The following LRRD1 variants were observed in gnomAD, a reference collection of about 807,000 sequenced individuals.
LRRD1 encodes the protein leucine rich repeats and death domain containing 1.
Under a neutral mutation model 69.5 loss-of-function variants are expected in LRRD1, and 49 were observed. That is an observed-to-expected ratio of 0.70 (90% CI 0.56 to 0.89). LRRD1 has a LOEUF of 0.89. Among genes scored for constraint, LRRD1 ranks in the 40% least tolerant of loss-of-function variants. The pLI is 0.00. For synonymous variants in LRRD1, 303 were observed against 338.9 expected (o/e 0.89, Z 1.16); for missense variants, 853 against 956.0 (o/e 0.89, Z 1.42).
At chr7:92,156,956 G>A (rs1463955237) in intron 3 of LRRD1, among the ~76,000 whole-genome samples, 1 of 151,384 alleles carries the variant, frequency 6.6e-6, no homozygotes, top group African/African-American at 2.4e-5. Flanking sequence ...TTTCTAGCTT[G>A]CTGAGAGTTT....
At chr7:92,153,347 G>A (rs1189478484) in intron 3 of LRRD1, among the ~76,000 whole-genome samples, 1 of 152,084 alleles carries the variant, frequency 6.6e-6, no homozygotes, top group African/African-American at 2.4e-5. Flanking sequence ...TTATAGGCGT[G>A]AGCCACCACG....
chr7:92,173,323 A>G (rs1265438742), intron 1 of LRRD1, among the ~76,000 whole-genome samples: 1 of 152,238 alleles, frequency 6.6e-6, no homozygotes, highest in Non-Finnish European at 1.5e-5. Context: ...AGTACAGGCA[A>G]CAAAAGCAAA....
At chr7:92,144,045 A>G (rs7807490), downstream of LRRD1, among the ~76,000 whole-genome samples, 86,203 of 152,058 alleles carry the variant, frequency 0.57, 25,706 homozygotes, top group African/African-American at 0.77. Context: ...TTCTGATAGC[A>G]GAAGAAGGGG....
At chr7:92,153,357 G>T (rs535497347) in intron 3 of LRRD1, among the ~76,000 whole-genome samples, 5 of 152,020 alleles carry the variant, frequency 3.3e-5, no homozygotes, top group African/African-American at 4.8e-5. Flanking sequence ...GAGCCACCAC[G>T]CCCGGCCTCT....
rs1323221467 is a variant in LRRD1, at chr7:92,163,334, T to C, written c.1869A>G (p.Gln623=). ...TATTCAGCTGTTCCAGTGATTGAAG[T>C]TGGCACAGTTCAATAGGAAAATGTA... ...QFIHFPIELC[Q]LQSLEQLNIS... Residue 623 remains glutamine, a synonymous_variant, in exon 2 of 6, where the codon CAA becomes CAG. Coordinates refer to ENST00000458448, the MANE Select transcript of LRRD1 (RefSeq NM_001161528.2). The C allele has an allele frequency of 2.0e-6, 3 of 1,526,970 alleles. No individual in the cohort carries two copies. The highest frequency in any genetic ancestry group is 1.7e-4 in the Middle Eastern group (1 of 5,852). The allele number at this position is 1,526,970 out of a possible 1,614,324, so 94.6% of individuals were successfully genotyped here.
At chr7:92,167,582 A>T (rs1788939523) in intron 1 of LRRD1, among the ~76,000 whole-genome samples, 1 of 151,864 alleles carries the variant, frequency 6.6e-6, no homozygotes, top group South Asian at 2.1e-4. Context: ...GGTAGTTAAG[A>T]AGTTATTCTG....
At chr7:92,158,704 G>A (rs78618136) in intron 3 of LRRD1, among the ~76,000 whole-genome samples, 2,618 of 152,232 alleles carry the variant, frequency 0.017, 64 homozygotes, top group African/African-American at 0.06. Context: ...TTGTGTAGGT[G>A]TGTGTAGAGG....
chr7:92,174,511 T>TATATATATATATGTATATA (rs1563195897), intron 1 of LRRD1, among the ~76,000 whole-genome samples: 1 of 26,700 alleles, frequency 3.7e-5, no homozygotes. Flanking sequence ...ATATATATAT[T>TATATATATATATGTATATA]TTTTTTTTTT....
chr7:92,149,060 T>C (rs937270156), intron 4 of LRRD1, among the ~76,000 whole-genome samples: 3 of 152,212 alleles, frequency 2.0e-5, no homozygotes, highest in Admixed American at 6.5e-5. Context: ...AATCCCTTTT[T>C]ATAGTAACAA....
At chr7:92,174,495 A>G (rs1366753351) in intron 1 of LRRD1, among the ~76,000 whole-genome samples, 6 of 17,210 alleles carry the variant, frequency 3.5e-4, no homozygotes, top group South Asian at 3.5e-3. Flanking sequence ...ATATATATAT[A>G]TATATATATA....
chr7:92,154,751 T>C (rs976085268), intron 3 of LRRD1, among the ~76,000 whole-genome samples: 1 of 152,216 alleles, frequency 6.6e-6, no homozygotes, highest in Non-Finnish European at 1.5e-5. Flanking sequence ...GGACATCCAG[T>C]TGATCCAGCA....
chr7:92,150,587 C>T lies in LRRD1; in HGVS notation c.2225G>A (p.Gly742Glu). ...GCGTGCAATAGTATACAACTGTTTT[C>T]CTTTACAGATTTCCACTGGAGGTCT... Reference protein sequence around the residue: ...LLRPPVEICKGKQLYTIARYL... With the variant: ...LLRPPVEICKEKQLYTIARYL... The change falls in exon 4 of 6, where the codon GGA becomes GAA. Residue 742 changes from glycine (G) to glutamate (E), a missense_variant. Coordinates refer to ENST00000458448, the MANE Select transcript of LRRD1 (RefSeq NM_001161528.2). The T allele has an allele frequency of 6.4e-7, 1 of 1,551,584 alleles. No individual in the cohort carries two copies. The highest frequency in any genetic ancestry group is 8.7e-7 in the Non-Finnish European group (1 of 1,146,950).
chr7:92,163,510 A>G lies in LRRD1; in HGVS notation c.1693T>C (p.Cys565Arg). The stretch of plus-strand genomic sequence containing the variant: ...CTAGGGAAAGTTTCAAATTTATTAC[A>G]GCATAAAATAAGTACGTGGAGTGAT... ...MISLHVLILC[C>R]NKFETFPREL... Residue 565 changes from cysteine to arginine, a missense_variant, in exon 2 of 6, where the codon TGT becomes CGT. By Grantham distance (180) the Cys-to-Arg change is radical. Around this residue, in one of 3 missense-constraint regions of LRRD1, gnomAD observed 739 missense variants for 808.0 expected, o/e 0.91. Coordinates refer to ENST00000458448, the MANE Select transcript of LRRD1 (RefSeq NM_001161528.2). 2 of 1,524,272 alleles carry G rather than the reference A, an allele frequency of 1.3e-6. No homozygotes were observed. Among genetic ancestry groups the G allele is most frequent in the Non-Finnish European group, 1.8e-6 (2 of 1,136,788 alleles). 94.4% of individuals were successfully genotyped at this position (1,524,272 alleles called of 1,614,324 possible). A position where few individuals can be genotyped will look rare whatever the true frequency, so the allele number is the denominator to read the frequency against.
intron 4 of LRRD1, among the ~76,000 whole-genome samples, chr7:92,149,036 C>A (rs1294755466): frequency 3.6e-5 from 4 of 112,046 alleles, no homozygotes; most frequent in Non-Finnish European, 5.3e-5. Context: ...TGTGAGCCAC[C>A]ACACCTGGCC....
intron 4 of LRRD1, among the ~76,000 whole-genome samples, chr7:92,149,031 G>A (rs1415092488): frequency 2.3e-5 from 3 of 132,828 alleles, no homozygotes; most frequent in African/African-American, 3.2e-5. Flanking sequence ...ACAGGTGTGA[G>A]CCACCACACC....
In LRRD1 at chr7:92,164,284, A is replaced by G; in HGVS notation, c.919T>C (p.Ser307Pro). Reference sequence around the variant, plus strand: ...ATTAGGTTTCCAGTAAGGTCTAGTGAAATTAACTTTGGAAGGAAGCAGAGA... The same window carrying G: ...ATTAGGTTTCCAGTAAGGTCTAGTGGAATTAACTTTGGAAGGAAGCAGAGA... ...KALCFLPKLI[S>P]LDLTGNLISS... The change falls in exon 2 of 6, where the codon TCA becomes CCA. Residue 307 changes from serine to proline, a missense_variant. This residue lies in a region of LRRD1 where 739 missense variants were observed against 808.0 expected (regional missense o/e 0.91). Transcript: ENST00000458448. 6.4e-7 allele frequency: 1 copy of G among 1,550,930 alleles called. No individual in the cohort carries two copies. The highest frequency in any genetic ancestry group is 8.7e-7 in the Non-Finnish European group (1 of 1,146,676).
rs538177462 is a variant in LRRD1 at position 92,159,338 on chromosome 7, A to G, written c.1918-135T>C. On this transcript the variant is annotated intron_variant, in intron 2 of 5. Transcript: ENST00000458448. ...TAAAAAGGAGATTTTTTATTATGTC[A>G]CAAATTCTTTGTGACTGACTCTCCC... 1.3e-5 allele frequency: 8 copies of G among 631,046 alleles called. No homozygotes were observed. The African/African-American group carries it at 1.4e-4, about 11-fold the overall frequency. The allele number at this position is 631,046 out of a possible 1,614,324, so 39.1% of individuals were successfully genotyped here.
At chr7:92,168,154 G>GAGAATT (rs1290564260) in intron 1 of LRRD1, among the ~76,000 whole-genome samples, 1 of 152,126 alleles carries the variant, frequency 6.6e-6, no homozygotes, top group East Asian at 1.9e-4. Flanking sequence ...CAGACAATAA[G>GAGAATT]AGAATTAGAT....
At chr7:92,146,260 C>A in intron 4 of LRRD1, 60 bp from the exon 5 acceptor site, 1 of 786,612 alleles carries the variant, frequency 1.3e-6, no homozygotes, top group South Asian at 2.2e-5. Context: ...ATTTTGAGTT[C>A]ATATTATATC....
Sources: gnomAD v4.1 joint callset for allele counts (sites outside exome capture counted in the v4.1 genomes callset) on GRCh38, gnomAD v4.1.1 for gene constraint, gnomAD v4.1.1 regional missense constraint, MANE v1.5 for transcripts, NCBI Gene and HGNC (gene_info 2026-07-23, HGNC 2026-07-21) for gene names.